Variants in RAE1 observed in about 807,000 individuals in gnomAD.
The protein encoded by RAE1 is ribonucleic acid export 1, also known as mRNA export factor RAE1.
In RAE1, 13 loss-of-function variants were observed where a neutral mutation model predicts 52.7. The observed-to-expected ratio is 0.25, with a 90% CI of 0.16 to 0.39. The LOEUF is 0.39. Among genes scored for constraint, RAE1 ranks in the 10% least tolerant of loss-of-function variants. RAE1 has a pLI of 1.00. For synonymous variants in RAE1, 164 were observed against 153.1 expected (o/e 1.07, Z -0.52); for missense variants, 262 against 459.8 (o/e 0.57, Z 3.93).
intron 11 of RAE1, chr20:57,375,077 C>T (rs761340663): frequency 7.2e-5 from 50 of 694,544 alleles, no homozygotes; most frequent in Non-Finnish European, 1.1e-4. Context: ...ACAGGCAAGC[C>T]GGGGGCTGCA....
At chr20:57,368,590 C>G in intron 7 of RAE1, 115 bp from the exon 8 acceptor site, 1 of 612,184 alleles carries the variant, frequency 1.6e-6, no homozygotes, top group Non-Finnish European at 2.9e-6. Flanking sequence ...AATATAATCC[C>G]AGGATTATTA....
chr20:57,362,320 G>A (rs1255107107), intron 4 of RAE1, among the ~76,000 whole-genome samples: 1 of 152,172 alleles, frequency 6.6e-6, no homozygotes, highest in Non-Finnish European at 1.5e-5. Context: ...CCTGTAAAAT[G>A]TCTTCCTGAC....
At chr20:57,356,596 A>T (rs1206976221) in intron 4 of RAE1, 58 bp downstream of exon 4, 1 of 1,425,500 alleles carries the variant, frequency 7.0e-7, no homozygotes, top group East Asian at 2.4e-5. Context: ...ATGATTTAGA[A>T]TATTTAATAA....
Position 57,377,970 on chromosome 20 carries a change from T to C in RAE1, c.1021-43T>C, listed in dbSNP as rs751957215. The C allele has an allele frequency of 8.2e-6, 12 of 1,461,374 alleles. No individual in the cohort carries two copies. In the African/African-American group the frequency reaches 1.6e-4, roughly 19 times the overall value. 90.5% of individuals were successfully genotyped at this position (1,461,374 alleles called of 1,614,324 possible). ...AAAAAGCACCTACAAATGCTAACTT[T>C]CTTTTGAATAATAAGATCATTGGTG... On this transcript the variant is annotated intron_variant, in intron 11 of 11. Transcript: ENST00000395841.
chr20:57,354,150 G>A (rs1391085027), intron 2 of RAE1, 22 bp downstream of exon 2: 2 of 1,600,484 alleles, frequency 1.2e-6, no homozygotes, highest in Non-Finnish European at 1.7e-6. Flanking sequence ...AGCTTCCTGG[G>A]GCTTGTAGGA....
In RAE1 at chr20:57,358,720, T is replaced by G. The variant is rs142903261; in HGVS notation, c.288+2182T>G. 2,588 of 329,312 alleles carry G rather than the reference T, an allele frequency of 7.9e-3. 15 individuals carry two copies. Among genetic ancestry groups the G allele is most frequent in the Middle Eastern group, 0.011 (14 of 1,252 alleles). 20.4% of individuals were successfully genotyped at this position (329,312 alleles called of 1,614,324 possible). On this transcript the variant is annotated intron_variant, in intron 4 of 11. Transcript: ENST00000395841. ...CGTAAACTCTATTGTCGATATGGAC[T>G]CTAGTATAGGATTGCGCTGTTATCC...
intron 8 of RAE1, among the ~76,000 whole-genome samples, chr20:57,370,927 T>C (rs563777442): frequency 2.4e-4 from 36 of 152,324 alleles, no homozygotes; most frequent in African/African-American, 7.0e-4. Context: ...GCTCCTGATG[T>C]GCTTCACAGC....
chr20:57,359,174 A>G (rs2066850901), intron 4 of RAE1: 1 of 500,568 alleles, frequency 2.0e-6, no homozygotes, highest in Non-Finnish European at 3.2e-6. Flanking sequence ...GTTTTTGGTA[A>G]ACAGGCGGGG....
In RAE1 at chr20:57,376,541, C is replaced by T. The variant is rs190531383; in HGVS notation, c.1021-1472C>T. On this transcript the variant is annotated intron_variant, in intron 11 of 11. Coordinates refer to ENST00000395841, the MANE Select transcript of RAE1 (RefSeq NM_003610.4). The stretch of plus-strand genomic sequence containing the variant: ...CAGCATAAGGATTTTGAAATTCACC[C>T]ATGCTGTTGAGTGAATCACTTGTCC... Among the ~76,000 whole-genome samples the T allele has an allele frequency of 1.2e-4, 19 of 152,346 alleles. No individual in the cohort carries two copies. In the East Asian group the frequency reaches 3.7e-3, roughly 29 times the overall value.
At chr20:57,375,251 T>C (rs973958030) in intron 11 of RAE1, 8 of 592,030 alleles carry the variant, frequency 1.4e-5, no homozygotes, top group African/African-American at 9.6e-5. Flanking sequence ...ACTCGGGTAC[T>C]CTGCCCAACC....
At position 57,373,272 on chromosome 20, in the gene RAE1, G is replaced by A. The variant is rs923243558; in HGVS notation, c.643-203G>A. 2.2e-5 allele frequency: 13 copies of A among 588,974 alleles called. No homozygotes were observed. In the South Asian group the frequency reaches 2.2e-4, roughly 10 times the overall value. 36.5% of individuals were successfully genotyped at this position (588,974 alleles called of 1,614,324 possible). A position where few individuals can be genotyped will look rare whatever the true frequency, so the allele number is the denominator to read the frequency against. ...GCAGCGGGGGCGGGGGAGGAGCACA[G>A]GGTGTGCAGTTGGGTCATAAACTCA... is the stretch of plus-strand genomic sequence containing the variant. On this transcript the variant is annotated intron_variant, in intron 8 of 11. Transcript: ENST00000395841.
intron 4 of RAE1, among the ~76,000 whole-genome samples, chr20:57,362,846 C>G (rs1049355405): frequency 1.3e-5 from 2 of 152,216 alleles, no homozygotes; most frequent in African/African-American, 4.8e-5. Context: ...GTGGTGCGAT[C>G]TCAGCTCACT....
chr20:57,354,027 T>C lies in RAE1; in HGVS notation c.-7-5T>C, dbSNP rs186426531. ...CCATCCTTAACATTTTTCATTACTT[T>C]TTAGGTTCAAAATGAGCCTGTTTGG... On this transcript the variant is annotated splice_polypyrimidine_tract_variant and splice_region_variant and intron_variant, in intron 1 of 11. Coordinates refer to ENST00000395841, the MANE Select transcript of RAE1 (RefSeq NM_003610.4). 2.0e-5 allele frequency: 33 copies of C among 1,611,224 alleles called. No individual in the cohort carries two copies. In the African/African-American group the frequency reaches 3.7e-4, roughly 18 times the overall value.
intron 7 of RAE1, among the ~76,000 whole-genome samples, chr20:57,367,728 A>G (rs2066977144): frequency 6.9e-6 from 1 of 145,252 alleles, no homozygotes; most frequent in South Asian, 2.2e-4. Flanking sequence ...TGATAGAGTG[A>G]GATACTATCT....
chr20:57,357,623 C>A (rs539562588), intron 4 of RAE1: 3 of 152,182 alleles, frequency 2.0e-5, no homozygotes, highest in African/African-American at 7.2e-5. Flanking sequence ...GTATAGAGTT[C>A]TGGTAAATAT....
chr20:57,372,080 C>A (rs2067044018), intron 8 of RAE1: 1 of 152,192 alleles, frequency 6.6e-6, no homozygotes, highest in African/African-American at 2.4e-5. Context: ...TGAGAATGTT[C>A]TAGAGATATG....
intron 8 of RAE1, among the ~76,000 whole-genome samples, chr20:57,370,376 G>A (rs1366282466): frequency 1.3e-5 from 2 of 152,114 alleles, no homozygotes; most frequent in Non-Finnish European, 2.9e-5. Context: ...CCTCTTACCC[G>A]CTACCTCTGT....
At chr20:57,376,728 C>T (rs1285520001) in intron 11 of RAE1, among the ~76,000 whole-genome samples, 2 of 152,228 alleles carry the variant, frequency 1.3e-5, no homozygotes, top group African/African-American at 4.8e-5. Flanking sequence ...CCCGAGGCCT[C>T]AGCTCCCACA....
chr20:57,365,148 C>A (rs2066936994), intron 4 of RAE1, among the ~76,000 whole-genome samples: 1 of 152,156 alleles, frequency 6.6e-6, no homozygotes, highest in Non-Finnish European at 1.5e-5. Context: ...TTTATATGTT[C>A]TCGCTTAGAA....
Sources: gnomAD v4.1 joint callset for allele counts (sites outside exome capture counted in the v4.1 genomes callset) on GRCh38, gnomAD v4.1.1 for gene constraint, MANE v1.5 for transcripts, NCBI Gene and HGNC (gene_info 2026-07-23, HGNC 2026-07-21) for gene names.